The following GLIS3 variants were observed in gnomAD, a reference collection of about 807,000 sequenced individuals.
GLIS3 encodes the protein zinc finger protein GLIS3.
A neutral mutation model predicts 78.6 loss-of-function variants in GLIS3; 53 were observed. The ratio of observed to expected loss-of-function variants is 0.67; its 90% CI spans 0.54 to 0.85. The LOEUF is 0.85. GLIS3 is among the 40% of genes least tolerant of loss of function. The pLI, the probability that GLIS3 is intolerant of heterozygous loss-of-function variation, is 0.00. For synonymous variants in GLIS3, 684 were observed against 509.9 expected, an observed-to-expected ratio of 1.34 and a Z score of -4.60; for missense variants, 1,703 against 1,231.1, an observed-to-expected ratio of 1.38 and a Z score of -5.74.
chr9:4,076,465 TTAA>T (rs1828063308), intron 4 of GLIS3, among the ~76,000 whole-genome samples: 1 of 152,200 alleles, frequency 6.6e-6, no homozygotes, highest in Non-Finnish European at 1.5e-5. Flanking sequence ...GAGTACCACA[TTAA>T]TTTTTCTTTC....
chr9:4,320,470 C>T (rs183603694), intron 2 of GLIS3, among the ~76,000 whole-genome samples: 80 of 152,288 alleles, frequency 5.3e-4, no homozygotes, highest in African/African-American at 1.8e-3. Context: ...AGGGATTTAT[C>T]CTTCACACCT....
intron 4 of GLIS3, among the ~76,000 whole-genome samples, chr9:4,102,319 G>C (rs1020278541): frequency 2.6e-5 from 4 of 152,256 alleles, no homozygotes; most frequent in South Asian, 2.1e-4. Flanking sequence ...TGTGAGGCTG[G>C]GGAAGCGGCT....
chr9:3,855,944 A>G (rs1770858773), intron 9 of GLIS3, 65 bp downstream of exon 9: 7 of 1,545,690 alleles, frequency 4.5e-6, no homozygotes, highest in Non-Finnish European at 6.2e-6. Context: ...ACAGGTAACT[A>G]AGATGAAAAG....
intron 6 of GLIS3, among the ~76,000 whole-genome samples, chr9:3,903,620 G>A (rs1823468271): frequency 6.6e-6 from 1 of 152,162 alleles, no homozygotes; most frequent in Non-Finnish European, 1.5e-5. Flanking sequence ...TCAACCATAT[G>A]CCAGGCACTG....
At chr9:4,214,728 C>A (rs1205845168) in intron 2 of GLIS3, among the ~76,000 whole-genome samples, 2 of 152,194 alleles carry the variant, frequency 1.3e-5, no homozygotes, top group Non-Finnish European at 2.9e-5. Flanking sequence ...AATTTCACTT[C>A]TTGGATAAAA....
intron 2 of GLIS3, among the ~76,000 whole-genome samples, chr9:4,188,919 C>G (rs1818059865): frequency 6.6e-6 from 1 of 152,112 alleles, no homozygotes; most frequent in South Asian, 2.1e-4. Flanking sequence ...AGCGGTCTAT[C>G]AATTTTGTTG....
At chr9:4,395,225 C>T in the GLIS3 span, among the ~76,000 whole-genome samples, 12,816 of 152,098 alleles carry the variant, frequency 0.084, 685 homozygotes, top group Middle Eastern at 0.17. Context: ...ACATCTTCTC[C>T]CTTAAAAGGC....
chr9:4,000,751 G>C (rs917492912), intron 4 of GLIS3, among the ~76,000 whole-genome samples: 3 of 152,060 alleles, frequency 2.0e-5, no homozygotes, highest in African/African-American at 7.2e-5. Flanking sequence ...GCATTCTAGT[G>C]ACACACTGAA....
chr9:4,458,886 T>A, the GLIS3 span, among the ~76,000 whole-genome samples: 1 of 152,100 alleles, frequency 6.6e-6, no homozygotes, highest in Admixed American at 6.5e-5. Flanking sequence ...GAAAGTGACA[T>A]GTTCAAAGAC....
In GLIS3 at chr9:4,264,420, G is replaced by A. The variant is rs1400018762; in HGVS notation, c.388+21618C>T. Among the ~76,000 whole-genome samples, 8 of 152,246 alleles carry A rather than the reference G, an allele frequency of 5.3e-5. No individual in the cohort carries two copies. The South Asian group carries it at 1.5e-3, about 28-fold the overall frequency. On this transcript the variant is annotated intron_variant, in intron 2 of 10. Transcript: ENST00000381971. ...TTCCCATCCGGACTATTCTCAATAT[G>A]GTAACACGATGTCCTTTTTTAAAAT...
chr9:3,989,366 T>G (rs763695805), intron 4 of GLIS3, among the ~76,000 whole-genome samples: 1 of 152,314 alleles, frequency 6.6e-6, no homozygotes, highest in African/African-American at 2.4e-5. Flanking sequence ...AAAATTACCA[T>G]ATGACCCAGT....
chr9:4,465,768 A>G, the GLIS3 span, among the ~76,000 whole-genome samples: 4 of 152,298 alleles, frequency 2.6e-5, no homozygotes, highest in South Asian at 4.1e-4. Context: ...TTTTCAAAAA[A>G]AATTATACCT....
rs536724728 is a variant in GLIS3, at chr9:3,961,825, G to A, written c.1711-24636C>T. Among the ~76,000 whole-genome samples, 5 of 152,028 alleles carry A rather than the reference G, an allele frequency of 3.3e-5. No homozygotes were observed. The East Asian group carries it at 9.6e-4, about 29-fold the overall frequency. On this transcript the variant is annotated intron_variant, in intron 4 of 10. Coordinates refer to ENST00000381971, the MANE Select transcript of GLIS3 (RefSeq NM_001042413.2). ...TGCATTAACTCTTTTCAGGCTAAAGGGTACCACTTAATACAAAAACCAATG... is the reference window on the plus strand; with the variant it reads ...TGCATTAACTCTTTTCAGGCTAAAGAGTACCACTTAATACAAAAACCAATG...
intron 2 of GLIS3, among the ~76,000 whole-genome samples, chr9:4,206,123 A>G (rs1381801027): frequency 1.3e-5 from 2 of 152,116 alleles, no homozygotes; most frequent in East Asian, 3.9e-4. Context: ...ATGAAGGCAA[A>G]CTCTACATGC....
chr9:4,278,793 G>A (rs1827251861), intron 2 of GLIS3, among the ~76,000 whole-genome samples: 1 of 152,220 alleles, frequency 6.6e-6, no homozygotes, highest in South Asian at 2.1e-4. Context: ...TCACAATGCA[G>A]AGATCTGGTA....
At chr9:4,461,712 C>A in the GLIS3 span, among the ~76,000 whole-genome samples, 11 of 152,248 alleles carry the variant, frequency 7.2e-5, no homozygotes, top group East Asian at 1.9e-3. Flanking sequence ...AACTATCACA[C>A]GGCTACCATC....
chr9:4,013,876 G>C (rs1020990146), intron 4 of GLIS3, among the ~76,000 whole-genome samples: 1 of 152,194 alleles, frequency 6.6e-6, no homozygotes, highest in Admixed American at 6.5e-5. Context: ...GGTAGCACTT[G>C]TCAGGAATTG....
chr9:4,454,965 C>A, the GLIS3 span, among the ~76,000 whole-genome samples: 2 of 152,146 alleles, frequency 1.3e-5, no homozygotes, highest in East Asian at 3.9e-4. Flanking sequence ...TATTCTTATA[C>A]CATTTATCTC....
At chr9:4,159,336 G>A (rs188994766) in intron 2 of GLIS3, among the ~76,000 whole-genome samples, 1 of 152,300 alleles carries the variant, frequency 6.6e-6, no homozygotes, top group East Asian at 1.9e-4. Context: ...CAATACGGAT[G>A]ATCATGTTCT....
Sources: allele counts gnomAD v4.1 joint callset (sites outside exome capture counted in the v4.1 genomes callset), GRCh38; gene constraint gnomAD v4.1.1; transcripts MANE v1.5; gene names NCBI Gene and HGNC (gene_info 2026-07-23, HGNC 2026-07-21).